HEATR5A: variants seen among roughly 807,000 people sequenced by gnomAD.
HEATR5A encodes HEAT repeat-containing protein 5A.
In HEATR5A, 178 loss-of-function variants were observed where a neutral mutation model predicts 218.8. The observed-to-expected ratio is 0.81, with a 90% CI of 0.72 to 0.92. The LOEUF is 0.92. Among genes scored for constraint, HEATR5A ranks in the 40% least tolerant of loss-of-function variants. The pLI is 0.00. For missense variants in HEATR5A, 2,420 were observed against 2,418.9 expected (o/e 1.00, Z -0.01); for synonymous variants, 864 against 871.6 (o/e 0.99, Z 0.15).
Position 31,296,158 on chromosome 14 carries a change from C to T in HEATR5A, c.5465-95G>A, listed in dbSNP as rs1283167996. ...AGTTTGGTAGTAACAGTTTGGTGTACACAACAGATACACACAATGAACGCT... is the reference window on the plus strand; with the variant it reads ...AGTTTGGTAGTAACAGTTTGGTGTATACAACAGATACACACAATGAACGCT... On this transcript the variant is annotated intron_variant, in intron 33 of 35. Coordinates refer to ENST00000543095, the MANE Select transcript of HEATR5A (RefSeq NM_015473.4). The T allele has an allele frequency of 1.4e-5, 13 of 946,712 alleles. No individual in the cohort carries two copies. The Admixed American group carries it at 2.8e-4, about 20-fold the overall frequency. The allele number at this position is 946,712 out of a possible 1,614,324, so 58.6% of individuals were successfully genotyped here.
intron 16 of HEATR5A, among the ~76,000 whole-genome samples, chr14:31,351,742 C>T (rs180861042): frequency 6.6e-6 from 1 of 151,524 alleles, no homozygotes; most frequent in African/African-American, 2.4e-5. Context: ...CACCAAAGTA[C>T]CTGGGAGTAT....
At chr14:31,416,215 T>C (rs543566369) in intron 1 of HEATR5A, among the ~76,000 whole-genome samples, 1 of 152,056 alleles carries the variant, frequency 6.6e-6, no homozygotes. Context: ...CCTCTCGAGT[T>C]TAAGCAATTA....
chr14:31,313,034 C>T lies in HEATR5A; in HGVS notation c.4375G>A (p.Ala1459Thr). Residue 1459 changes from alanine to threonine, a missense_variant, in exon 28 of 36, where the codon GCT (alanine) becomes ACT (threonine). By Grantham distance (58) the Ala-to-Thr change is moderately conservative. Coordinates refer to ENST00000543095, the MANE Select transcript of HEATR5A (RefSeq NM_015473.4). The part of the protein sequence containing the change: ...DLGTLSRLWL[A>T]ALQDFALLTL... Reference sequence around the variant, plus strand: ...AAAAGAGCAAAATCCTGAAGTGCAGCAAGCCAGAGTCTGCTTAGTGTGCCA... The same window carrying T: ...AAAAGAGCAAAATCCTGAAGTGCAGTAAGCCAGAGTCTGCTTAGTGTGCCA... 1 of 1,613,992 alleles carries T rather than the reference C, an allele frequency of 6.2e-7. No homozygotes were observed. Among genetic ancestry groups the T allele is most frequent in the Admixed American group, 1.7e-5 (1 of 60,026 alleles).
chr14:31,400,542 C>A, intron 2 of HEATR5A, 30 bp from the exon 3 acceptor site: 1 of 1,378,904 alleles, frequency 7.3e-7, no homozygotes, highest in South Asian at 1.3e-5. Context: ...AAAGACAATT[C>A]AAAGTCAATA....
rs779383347 is a variant in HEATR5A, at chr14:31,323,729, G to A, written c.3623C>T (p.Thr1208Ile). Residue 1208 changes from threonine to isoleucine, a missense_variant, in exon 24 of 36, where the codon ACC becomes ATC. Transcript: ENST00000543095. ...GDKGDDASVL[T>I]TRRDEKSHPF... ...ATGGGATTTTTCATCACGTCTGGTGGTCAGGACTGAGGCATCATCCCCTTT... is the reference window on the plus strand; with the variant it reads ...ATGGGATTTTTCATCACGTCTGGTGATCAGGACTGAGGCATCATCCCCTTT... The A allele has an allele frequency of 1.9e-6, 3 of 1,613,154 alleles. No homozygotes were observed. Among genetic ancestry groups the A allele is most frequent in the Non-Finnish European group, 2.5e-6 (3 of 1,179,318 alleles).
In HEATR5A at chr14:31,349,929, A is replaced by C; in HGVS notation, c.2568T>G (p.Phe856Leu). Residue 856 changes from phenylalanine (F) to leucine (L), a missense_variant, in exon 18 of 36, where the codon TTT (phenylalanine) becomes TTG (leucine). Phe to Leu is a conservative substitution (Grantham distance 22). Transcript: ENST00000543095. ...GGGCTCCCATAACTAATGTTAAGGC[A>C]AATCTTTTCATTTCTTCTGGACCTA... ...GCLGPEEMKR[F>L]ALTLVMGALE... 1 of 1,607,660 alleles carries C rather than the reference A, an allele frequency of 6.2e-7. No individual in the cohort carries two copies. Among genetic ancestry groups the C allele is most frequent in the Non-Finnish European group, 8.5e-7 (1 of 1,176,698 alleles).
At chr14:31,324,641 G>A (rs547143556) in intron 23 of HEATR5A, among the ~76,000 whole-genome samples, 1 of 150,026 alleles carries the variant, frequency 6.7e-6, no homozygotes, top group African/African-American at 2.4e-5. Context: ...AGATAATTGA[G>A]ACACCAGGAA....
intron 11 of HEATR5A, among the ~76,000 whole-genome samples, chr14:31,375,925 T>C (rs1366420680): frequency 2.0e-5 from 3 of 152,190 alleles, no homozygotes; most frequent in Non-Finnish European, 4.4e-5. Context: ...CCAGGTACTT[T>C]TCTTTAAATT....
chr14:31,368,922 T>G (rs974693145), intron 13 of HEATR5A, among the ~76,000 whole-genome samples: 1 of 152,020 alleles, frequency 6.6e-6, no homozygotes, highest in African/African-American at 2.4e-5. Flanking sequence ...ATTAATACAT[T>G]TGACATTTAA....
intron 18 of HEATR5A, 142 bp from the exon 19 acceptor site, chr14:31,348,049 T>G: frequency 4.2e-6 from 2 of 477,420 alleles, no homozygotes; most frequent in Middle Eastern, 4.5e-4. Flanking sequence ...GGCTAACTAA[T>G]AAAAACTTCT....
intron 16 of HEATR5A, among the ~76,000 whole-genome samples, chr14:31,356,693 T>G (rs1036433469): frequency 3.3e-5 from 5 of 152,168 alleles, no homozygotes; most frequent in Non-Finnish European, 4.4e-5. Flanking sequence ...TATTATAACT[T>G]AGGTGGGGAT....
At position 31,362,322 on chromosome 14, in the gene HEATR5A, G is replaced by A. The variant is rs528464340; in HGVS notation, c.2071+1867C>T. ...GTAAGTCCTGACTTTGTCTCCTAAT[G>A]AACACTGTGGAACTGATTTGAAATA... On this transcript the variant is annotated intron_variant, in intron 14 of 35. Transcript: ENST00000543095. 2.6e-5 allele frequency among the ~76,000 whole-genome samples: 4 copies of A among 151,664 alleles called. No homozygotes were observed. The East Asian group carries it at 7.8e-4, about 29-fold the overall frequency.
intron 1 of HEATR5A, among the ~76,000 whole-genome samples, chr14:31,407,877 C>T (rs2031137103): frequency 6.6e-6 from 1 of 152,190 alleles, no homozygotes; most frequent in Non-Finnish European, 1.5e-5. Flanking sequence ...ATCCATCCGC[C>T]TTGGCCTCCC....
intron 8 of HEATR5A, 76 bp from the exon 9 acceptor site, chr14:31,386,651 G>A: frequency 7.4e-7 from 1 of 1,348,070 alleles, no homozygotes; most frequent in South Asian, 1.5e-5. Context: ...AGAGTAAAAA[G>A]GTATAACGGC....
chr14:31,340,343 T>TA, intron 21 of HEATR5A: 3 of 542,588 alleles, frequency 5.5e-6, no homozygotes, highest in Non-Finnish European at 8.7e-6. Context: ...ATGGTTCGCT[T>TA]AAAAAAAGAG....
chr14:31,304,297 A>G (rs527709354), intron 32 of HEATR5A, among the ~76,000 whole-genome samples: 1 of 152,380 alleles, frequency 6.6e-6, no homozygotes, highest in East Asian at 1.9e-4. Context: ...TGAGGCAGGA[A>G]AAGTCTGTTA....
At chr14:31,371,934 T>C in intron 12 of HEATR5A, 25 bp from the exon 13 acceptor site, 1 of 1,176,314 alleles carries the variant, frequency 8.5e-7, no homozygotes, top group Non-Finnish European at 1.2e-6. Context: ...AGACTTTTAC[T>C]TGGGCATACT....
intron 21 of HEATR5A, among the ~76,000 whole-genome samples, chr14:31,341,074 T>C (rs1900823308): frequency 6.6e-6 from 1 of 152,178 alleles, no homozygotes; most frequent in Non-Finnish European, 1.5e-5. Flanking sequence ...ACAAATTCAA[T>C]CTAATAAATT....
Position 31,378,786 on chromosome 14 carries a change from TCAAAAAAAAACAAA to T in HEATR5A, c.1708+1667_1708+1680del, listed in dbSNP as rs1186902793. Among the ~76,000 whole-genome samples the T allele has an allele frequency of 3.7e-4, 21 of 56,410 alleles. No individual in the cohort carries two copies. The South Asian group carries it at 4.5e-3, about 12-fold the overall frequency. The allele number at this position is 56,410 out of a possible 152,430, so 37.0% of individuals were successfully genotyped here. On this transcript the variant is annotated intron_variant, in intron 11 of 35. Transcript: ENST00000543095. ...CTGGGTGACAAAGTGAGACTCCACC[TCAAAAAAAAACAAA>T]CAAAAAAAAAAAACACTACTTAAAG...
Sources: gnomAD v4.1 joint callset for allele counts (sites outside exome capture counted in the v4.1 genomes callset) on GRCh38, gnomAD v4.1.1 for gene constraint, MANE v1.5 for transcripts, NCBI Gene and HGNC (gene_info 2026-07-23, HGNC 2026-07-21) for gene names.